The following CERKL variants were observed in gnomAD, a reference collection of about 807,000 sequenced individuals.
The protein encoded by CERKL is CERK like autophagy regulator.
Under a neutral mutation model 63.4 loss-of-function variants are expected in CERKL, and 61 were observed. The observed-to-expected ratio is 0.96, with a 90% CI of 0.78 to 1.19. The LOEUF (loss-of-function observed/expected upper bound fraction) is 1.19. Among genes scored for constraint, CERKL ranks in the 50% most tolerant of loss-of-function variants. CERKL has a pLI of 0.00. For missense variants in CERKL, 675 were observed against 655.5 expected, an observed-to-expected ratio of 1.03 and a Z score of -0.33; for synonymous variants, 250 against 230.5, an observed-to-expected ratio of 1.08 and a Z score of -0.77.
At chr2:181,587,513 T>C (rs1194189548) in intron 2 of CERKL, among the ~76,000 whole-genome samples, 1 of 152,174 alleles carries the variant, frequency 6.6e-6, no homozygotes, top group Non-Finnish European at 1.5e-5. Flanking sequence ...TTTTAGAAGA[T>C]GCTATAGAGT....
intron 1 of CERKL, among the ~76,000 whole-genome samples, chr2:181,631,360 C>T (rs1241157841): frequency 6.6e-6 from 1 of 152,160 alleles, no homozygotes; most frequent in African/African-American, 2.4e-5. Flanking sequence ...AGCATAGATA[C>T]ACACCTGGAA....
chr2:181,656,640 TGAGGCGAGCACGGGGAGGG>T (rs1553525917), intron 1 of CERKL, 110 bp downstream of exon 1: 3 of 797,992 alleles, frequency 3.8e-6, no homozygotes, highest in Non-Finnish European at 5.7e-6. Context: ...GTCCGGGCAG[TGAGGCGAGCACGGGGAGGG>T]GAGGCGAGAA....
intron 1 of CERKL, among the ~76,000 whole-genome samples, chr2:181,624,098 AGC>A (rs1220772798): frequency 1.3e-5 from 2 of 152,190 alleles, no homozygotes; most frequent in African/African-American, 2.4e-5. Context: ...CTAGTGAGAA[AGC>A]AGGAGAGGGA....
At chr2:181,547,153 C>T (rs1029270425) in intron 10 of CERKL, among the ~76,000 whole-genome samples, 1 of 152,168 alleles carries the variant, frequency 6.6e-6, no homozygotes, top group Non-Finnish European at 1.5e-5. Flanking sequence ...TCCATTAAAC[C>T]TCTTTCTTTT....
chr2:181,538,581 G>T (rs918208603), intron 12 of CERKL, among the ~76,000 whole-genome samples: 3 of 152,122 alleles, frequency 2.0e-5, no homozygotes, highest in African/African-American at 7.2e-5. Context: ...GAATGCGTTT[G>T]CAGGTTCCTA....
At chr2:181,630,715 A>T (rs1405658407) in intron 1 of CERKL, among the ~76,000 whole-genome samples, 1 of 152,168 alleles carries the variant, frequency 6.6e-6, no homozygotes, top group Non-Finnish European at 1.5e-5. Context: ...CTGTGAGAAG[A>T]TAAATTTCTG....
intron 1 of CERKL, among the ~76,000 whole-genome samples, chr2:181,625,884 T>C (rs986439442): frequency 6.6e-5 from 10 of 152,230 alleles, no homozygotes; most frequent in African/African-American, 1.9e-4. Flanking sequence ...TTTAATTTAA[T>C]CTAAAGTTTC....
In CERKL at chr2:181,547,180, C is replaced by T. The variant is rs372827752; in HGVS notation, c.1268+438G>A. Among the ~76,000 whole-genome samples, 208 of 152,224 alleles carry T rather than the reference C, an allele frequency of 1.4e-3. 2 individuals are homozygous for T. The highest frequency in any genetic ancestry group is 4.6e-3 in the African/African-American group (190 of 41,546). On this transcript the variant is annotated intron_variant, in intron 10 of 12. Transcript: ENST00000410087. ...CTTTCTTTTGTAAATTACCCAGTCTCGGGTATGTCTTTATCAGCAGCATGA... is the reference window on the plus strand; with the variant it reads ...CTTTCTTTTGTAAATTACCCAGTCTTGGGTATGTCTTTATCAGCAGCATGA...
rs1207341102 is a variant in CERKL, at chr2:181,537,840, C to CTATT, written c.*340_*343dup. 1 of 491,206 alleles carries CTATT rather than the reference C, an allele frequency of 2.0e-6. No homozygotes were observed. The highest frequency in any genetic ancestry group is 1.5e-5 in the South Asian group (1 of 64,576). The allele number at this position is 491,206 out of a possible 1,614,324, so 30.4% of individuals were successfully genotyped here. On this transcript the variant is annotated 3_prime_UTR_variant, in exon 13 of 13. Coordinates refer to ENST00000410087, the MANE Select transcript of CERKL (RefSeq NM_201548.5). Reference sequence around the variant, plus strand: ...GGCTAATTGTTAGTAACATCAATTTCTATTAGGATATCCGTTTGGCCACAC... The same window carrying CTATT: ...GGCTAATTGTTAGTAACATCAATTTCTATTTATTAGGATATCCGTTTGGCCACAC...
chr2:181,645,306 T>C (rs1240413648), intron 1 of CERKL, among the ~76,000 whole-genome samples: 1 of 152,228 alleles, frequency 6.6e-6, no homozygotes, highest in East Asian at 1.9e-4. Flanking sequence ...CTAAAGTTCA[T>C]GAGGCCAGTA....
At position 181,550,517 on chromosome 2, in the gene CERKL, G is replaced by A. The variant is rs1365122205; in HGVS notation, c.821-809C>T. ...AGAGAATTTAAAATTATTAAGAACA[G>A]AATGAATGAAGCTACAATTTTTCTT... On this transcript the variant is annotated intron_variant, in intron 5 of 12. Coordinates refer to ENST00000410087, the MANE Select transcript of CERKL (RefSeq NM_201548.5). This position sits in a 1 kb window ranked among gnomAD's most constrained non-coding sequence, Gnocchi z 4.5. 6.6e-6 allele frequency among the ~76,000 whole-genome samples: 1 copy of A among 152,094 alleles called. No individual in the cohort carries two copies. The highest frequency in any genetic ancestry group is 1.9e-4 in the East Asian group (1 of 5,194).
At chr2:181,613,513 G>T (rs996008920) in intron 1 of CERKL, among the ~76,000 whole-genome samples, 4 of 152,140 alleles carry the variant, frequency 2.6e-5, no homozygotes, top group African/African-American at 9.7e-5. Flanking sequence ...TCCTGCATTT[G>T]TGTACAGATC....
intron 1 of CERKL, among the ~76,000 whole-genome samples, chr2:181,624,107 G>C (rs1315984708): frequency 6.6e-6 from 1 of 152,142 alleles, no homozygotes; most frequent in Non-Finnish European, 1.5e-5. Flanking sequence ...AAGCAGGAGA[G>C]GGATAAGACA....
At chr2:181,571,342 G>A (rs1284229560) in intron 3 of CERKL, among the ~76,000 whole-genome samples, 1 of 152,002 alleles carries the variant, frequency 6.6e-6, no homozygotes, top group East Asian at 1.9e-4. Flanking sequence ...ATTGTTTTAT[G>A]TTTAAATATG....
chr2:181,647,374 C>T, intron 1 of CERKL, among the ~76,000 whole-genome samples: 1 of 152,136 alleles, frequency 6.6e-6, no homozygotes, highest in East Asian at 1.9e-4. Flanking sequence ...CTGGGGAGCC[C>T]AAAAGACAGC....
intron 1 of CERKL, among the ~76,000 whole-genome samples, chr2:181,606,551 G>GA (rs1685726354): frequency 1.1e-5 from 1 of 90,222 alleles, no homozygotes; most frequent in Non-Finnish European, 2.3e-5. Flanking sequence ...GAGGGGAGGG[G>GA]GGAGGAGAGG....
intron 10 of CERKL, among the ~76,000 whole-genome samples, chr2:181,546,518 A>T (rs1477779317): frequency 6.6e-6 from 1 of 152,164 alleles, no homozygotes; most frequent in South Asian, 2.1e-4. Context: ...TTAGCACTAG[A>T]TGTAATTAAT....
In CERKL at chr2:181,550,858, T is replaced by G. The variant is rs568122613; in HGVS notation, c.821-1150A>C. On this transcript the variant is annotated intron_variant, in intron 5 of 12. Transcript: ENST00000410087. This position sits in a 1 kb window ranked among gnomAD's most constrained non-coding sequence, Gnocchi z 4.5. ...AAATAAGCACAATTACTTCTAGTAA[T>G]ACCAGTGCAAAGAAAAGTTTATTTT... Among the ~76,000 whole-genome samples the G allele has an allele frequency of 2.6e-5, 4 of 152,306 alleles. No individual in the cohort carries two copies. The highest frequency in any genetic ancestry group is 1.9e-4 in the East Asian group (1 of 5,186).
intron 1 of CERKL, among the ~76,000 whole-genome samples, chr2:181,608,567 T>C (rs980430824): frequency 6.6e-6 from 1 of 152,178 alleles, no homozygotes. Context: ...AACAACTCAA[T>C]GACTATTCCA....
Sources: gnomAD v4.1 joint callset for allele counts (sites outside exome capture counted in the v4.1 genomes callset) on GRCh38, gnomAD v4.1.1 for gene constraint, Gnocchi (gnomAD v3.1) non-coding constraint, MANE v1.5 for transcripts, NCBI Gene and HGNC (gene_info 2026-07-23, HGNC 2026-07-21) for gene names.